Variants in RPS9 observed in about 807,000 individuals in gnomAD.
The protein encoded by RPS9 is small ribosomal subunit protein uS4.
RPS9 carries 1 observed loss-of-function variant against 16.9 expected under a neutral mutation model. The observed-to-expected ratio is 0.06, with a 90% CI of 0.02 to 0.28. The LOEUF is 0.28. Ranked by LOEUF, RPS9 falls within the 10% of genes least tolerant of loss-of-function variation. The probability of loss-of-function intolerance (pLI) is 1.00; values close to 1 mark genes in which losing one functional copy is unlikely to be tolerated. For synonymous variants in RPS9, 106 were observed against 110.9 expected, an observed-to-expected ratio of 0.96 and a Z score of 0.28; for missense variants, 137 against 273.2, an observed-to-expected ratio of 0.50 and a Z score of 3.51.
At chr19:54,204,458 C>T (rs187788511) in intron 3 of RPS9, among the ~76,000 whole-genome samples, 1 of 152,292 alleles carries the variant, frequency 6.6e-6, no homozygotes, top group Non-Finnish European at 1.5e-5. Flanking sequence ...GGCTGGAGCA[C>T]AGTGGCATGG....
intron 4 of RPS9, chr19:54,206,955 C>T: frequency 1.7e-5 from 8 of 474,996 alleles, no homozygotes; most frequent in Admixed American, 3.8e-5. Flanking sequence ...CAGCCCTTCA[C>T]TAACCCTGTG....
intron 4 of RPS9, chr19:54,207,163 C>T (rs895388631): frequency 1.7e-5 from 9 of 542,202 alleles, no homozygotes; most frequent in Non-Finnish European, 2.9e-5. Context: ...GGGATACTTT[C>T]GGATTTCTCC....
chr19:54,201,168 G>A lies in RPS9; in HGVS notation c.-17G>A, dbSNP rs16985472. 5.0e-6 allele frequency: 8 copies of A among 1,599,240 alleles called. No homozygotes were observed. In the South Asian group the frequency reaches 5.5e-5, roughly 11 times the overall value. On this transcript the variant is annotated 5_prime_UTR_variant, in exon 2 of 5. Coordinates refer to ENST00000302907, the MANE Select transcript of RPS9 (RefSeq NM_001013.4). ...ACTTCTCTCCCGCGCAGGCGCAGAC[G>A]GGGAAGCGGAGCCAACATGCCAGTG... is the stretch of plus-strand genomic sequence containing the variant.
In RPS9 at chr19:54,204,642, G is replaced by C. The variant is rs1304662165; in HGVS notation, c.221-1634G>C. ...TTGCCGAGGCTAGTTTCAAACTTCT[G>C]GACTCAACTGATCCTCCTGCCTCAG... is the stretch of plus-strand genomic sequence containing the variant. On this transcript the variant is annotated intron_variant, in intron 3 of 4. Coordinates refer to ENST00000302907, the MANE Select transcript of RPS9 (RefSeq NM_001013.4). Among the ~76,000 whole-genome samples the C allele has an allele frequency of 4.6e-5, 7 of 152,082 alleles. No homozygotes were observed. The East Asian group carries it at 1.3e-3, about 29-fold the overall frequency.
intron 1 of RPS9, 85 bp from the exon 2 acceptor site, chr19:54,201,075 C>G: frequency 6.4e-7 from 1 of 1,553,998 alleles, no homozygotes; most frequent in South Asian, 1.2e-5. Flanking sequence ...GAGATCGGAT[C>G]TGGGCTCCGC....
chr19:54,202,817 G>T, intron 3 of RPS9: 1 of 985,414 alleles, frequency 1.0e-6, no homozygotes, highest in Non-Finnish European at 1.2e-6. Context: ...CCTGGCGCAT[G>T]TTTAGCTACA....
intron 3 of RPS9, chr19:54,202,974 A>G (rs1395325880): frequency 1.0e-6 from 1 of 966,942 alleles, no homozygotes; most frequent in Non-Finnish European, 1.2e-6. Flanking sequence ...CTGGGGTTAC[A>G]GGTGTAAGCC....
intron 3 of RPS9, among the ~76,000 whole-genome samples, chr19:54,205,616 T>G (rs556834458): frequency 8.5e-5 from 13 of 152,276 alleles, no homozygotes; most frequent in Admixed American, 7.2e-4. Context: ...TGTGCTTTGT[T>G]ACGGTGGTAG....
Position 54,206,355 on chromosome 19 carries a change from G to C in RPS9, c.300G>C (p.Leu100=). 1 of 1,614,200 alleles carries C rather than the reference G, an allele frequency of 6.2e-7. No individual in the cohort carries two copies. The highest frequency in any genetic ancestry group is 8.5e-7 in the Non-Finnish European group (1 of 1,180,046). ...GKMKLDYILG[L]KIEDFLERRL... is the part of the protein sequence containing the mutation. ...TGAAGCTGGATTACATCCTGGGCCTGAAGATAGAGGATTTCTTAGAGAGAC... is the reference window on the plus strand; with the variant it reads ...TGAAGCTGGATTACATCCTGGGCCTCAAGATAGAGGATTTCTTAGAGAGAC... The change falls in exon 4 of 5, where the codon CTG becomes CTC. Residue 100 remains leucine, a synonymous_variant. Coordinates refer to ENST00000302907, the MANE Select transcript of RPS9 (RefSeq NM_001013.4).
chr19:54,202,561 G>A (rs768619608), intron 3 of RPS9: 4 of 981,980 alleles, frequency 4.1e-6, no homozygotes, highest in Non-Finnish European at 4.8e-6. Flanking sequence ...TAATTGTGGT[G>A]AAATACACAT....
rs1366437826 is a variant in RPS9 at position 54,206,634 on chromosome 19, C to T, written c.407+172C>T. 8 of 1,550,714 alleles carry T rather than the reference C, an allele frequency of 5.2e-6. No homozygotes were observed. The East Asian group carries it at 1.2e-4, about 24-fold the overall frequency. On this transcript the variant is annotated intron_variant, in intron 4 of 4. Transcript: ENST00000302907. ...CAGCTCACCAGGGAGCTGGGGCAGCCTCTTGCCCCAATAGCCCAGCGCAAG... is the reference window on the plus strand; with the variant it reads ...CAGCTCACCAGGGAGCTGGGGCAGCTTCTTGCCCCAATAGCCCAGCGCAAG...
At chr19:54,201,129 T>G (rs3810229) in intron 1 of RPS9, 31 bp from the exon 2 acceptor site, 1,167,808 of 1,610,000 alleles carry the variant, frequency 0.73, 427,297 homozygotes, top group East Asian at 0.93. Context: ...GCCGTTTGGA[T>G]CCCTTACGCT....
At chr19:54,203,183 C>G in intron 3 of RPS9, 5 of 932,458 alleles carry the variant, frequency 5.4e-6, no homozygotes, top group Non-Finnish European at 6.4e-6. Flanking sequence ...ATGAAACTTA[C>G]AGTCATGTGA....
chr19:54,207,209 T>C, intron 4 of RPS9, 189 bp from the exon 5 acceptor site: 1 of 543,278 alleles, frequency 1.8e-6, no homozygotes, highest in East Asian at 3.1e-5. Flanking sequence ...CTGAAGCATT[T>C]TTGGGGATTA....
chr19:54,206,649 C>T, intron 4 of RPS9, 187 bp downstream of exon 4: 1 of 1,549,998 alleles, frequency 6.5e-7, no homozygotes, highest in Admixed American at 2.0e-5. Context: ...GCCCCAATAG[C>T]CCAGCGCAAG....
rs912684866 is a variant in RPS9, at chr19:54,201,612, G to A, written c.220+3G>A. ...GGACCCACGGCGTCTGTTCGAAGGT[G>A]CGTATGGGAGTCCACAGCAGAGGGA... On this transcript the variant is annotated splice_donor_region_variant and intron_variant, in intron 3 of 4. Transcript: ENST00000302907. 5 of 1,614,020 alleles carry A rather than the reference G, an allele frequency of 3.1e-6. No homozygotes were observed. In the African/African-American group the frequency reaches 6.7e-5, roughly 22 times the overall value.
intron 3 of RPS9, chr19:54,203,237 G>T (rs966608215): frequency 3.3e-5 from 32 of 981,476 alleles, no homozygotes; most frequent in Non-Finnish European, 3.9e-5. Flanking sequence ...GTTTTCCAAG[G>T]CAGAAGTGAA....
intron 3 of RPS9, chr19:54,202,428 C>T (rs1047275788): frequency 9.1e-6 from 9 of 985,088 alleles, no homozygotes; most frequent in Non-Finnish European, 1.1e-5. Flanking sequence ...TGGTCAAGGA[C>T]ATTTAGGTGG....
intron 3 of RPS9, 89 bp from the exon 4 acceptor site, chr19:54,206,187 A>G (rs1342932107): frequency 3.0e-6 from 4 of 1,349,890 alleles, no homozygotes; most frequent in East Asian, 2.4e-5. Context: ...CCGCCGCGGC[A>G]TGGAGCTACC....
Sources: gnomAD v4.1 joint callset for allele counts (sites outside exome capture counted in the v4.1 genomes callset) on GRCh38, gnomAD v4.1.1 for gene constraint, MANE v1.5 for transcripts, NCBI Gene and HGNC (gene_info 2026-07-23, HGNC 2026-07-21) for gene names.